Variants in SIAH2 observed in about 807,000 individuals in gnomAD.
The protein encoded by SIAH2 is E3 ubiquitin-protein ligase SIAH2.
A neutral mutation model predicts 20.4 loss-of-function variants in SIAH2; 4 were observed. That is an observed-to-expected ratio of 0.20 (90% confidence interval 0.10 to 0.45). The LOEUF (loss-of-function observed/expected upper bound fraction) is 0.45. SIAH2 is among the 20% of genes least tolerant of loss of function. The probability of loss-of-function intolerance (pLI) is 0.99; values close to 1 mark genes in which losing one functional copy is unlikely to be tolerated. For missense variants in SIAH2, 259 were observed against 440.3 expected, an observed-to-expected ratio of 0.59 and a Z score of 3.69; for synonymous variants, 171 against 192.5, an observed-to-expected ratio of 0.89 and a Z score of 0.93.
At chr3:150,758,620 G>A (rs1383693997) in intron 1 of SIAH2, among the ~76,000 whole-genome samples, 1 of 150,236 alleles carries the variant, frequency 6.7e-6, no homozygotes, top group East Asian at 1.9e-4. Context: ...ACCCAGGCTG[G>A]AGTGCAGTGG....
chr3:150,758,233 A>T (rs1002104487), intron 1 of SIAH2, among the ~76,000 whole-genome samples: 1 of 152,186 alleles, frequency 6.6e-6, no homozygotes, highest in Non-Finnish European at 1.5e-5. Context: ...GAGGCTTTCA[A>T]ATTCAATAAT....
At chr3:150,746,563 GC>G (rs1305510347) in intron 1 of SIAH2, among the ~76,000 whole-genome samples, 1 of 152,164 alleles carries the variant, frequency 6.6e-6, no homozygotes, top group African/African-American at 2.4e-5. Flanking sequence ...ATGTTTAGCA[GC>G]ATCCGTGGTC....
At chr3:150,744,096 G>A (rs980476615) in intron 1 of SIAH2, among the ~76,000 whole-genome samples, 2 of 151,522 alleles carry the variant, frequency 1.3e-5, no homozygotes, top group South Asian at 2.1e-4. Context: ...ACTTGAAGTC[G>A]GTCAAATTCT....
chr3:150,747,798 AC>A (rs1714255177), intron 1 of SIAH2, among the ~76,000 whole-genome samples: 1 of 151,398 alleles, frequency 6.6e-6, no homozygotes, highest in Non-Finnish European at 1.5e-5. Flanking sequence ...AAAAACAAAA[AC>A]AAAAACAAAA....
At chr3:150,749,087 G>A (rs1190393791) in intron 1 of SIAH2, among the ~76,000 whole-genome samples, 1 of 152,198 alleles carries the variant, frequency 6.6e-6, no homozygotes, top group Non-Finnish European at 1.5e-5. Context: ...AGCAAAGACA[G>A]CACAAATGAT....
chr3:150,761,580 T>C lies in SIAH2; in HGVS notation c.417+853A>G, dbSNP rs147722099. The stretch of plus-strand genomic sequence containing the variant: ...ATGATTCTATATTTAGCTGCGAGGG[T>C]GTATGTATATATAGTTTAAAAAGAT... On this transcript the variant is annotated intron_variant, in intron 1 of 1. Transcript: ENST00000312960. 1.6e-4 allele frequency among the ~76,000 whole-genome samples: 25 copies of C among 152,238 alleles called. 1 individual carries two copies. Among genetic ancestry groups the C allele is most frequent in the African/African-American group, 4.6e-4 (19 of 41,524 alleles).
At chr3:150,758,378 T>C (rs946021437) in intron 1 of SIAH2, among the ~76,000 whole-genome samples, 2 of 151,920 alleles carry the variant, frequency 1.3e-5, no homozygotes, top group African/African-American at 4.8e-5. Context: ...AAATACATCG[T>C]TGGATGGTAA....
rs772702426 is a variant in SIAH2, at chr3:150,762,433, C to G, written c.417G>C (p.Lys139Asn). The part of the protein sequence containing the change: ...KVASAVLFPC[K>N]YATTGCSLTL... ...GTACGTGGGCTGTCCCTGGGCTTAC[C>G]TTACAGGGAAACAGGACTGCCGAGG... The change falls in exon 1 of 2, where the codon AAG becomes AAC. Residue 139 changes from lysine to asparagine, a missense_variant and splice_region_variant. By Grantham distance (94) the Lys-to-Asn change is moderately conservative. This residue lies in a region of SIAH2 where 160 missense variants were observed against 327.6 expected (regional missense o/e 0.49). Transcript: ENST00000312960. The surrounding 1 kb of genome is among the most constrained non-coding windows in gnomAD (Gnocchi z 6.6). The G allele has an allele frequency of 6.2e-7, 1 of 1,610,378 alleles. No individual in the cohort carries two copies.
rs1431057625 is a variant in SIAH2, at chr3:150,756,407, A to G, written c.417+6026T>C. On this transcript the variant is annotated intron_variant, in intron 1 of 1. Coordinates refer to ENST00000312960, the MANE Select transcript of SIAH2 (RefSeq NM_005067.7). ...TGAATAAGAACGGCCATGTCTCACA[A>G]ATTTTGTCAGAAGCAAAATCTGATG... Among the ~76,000 whole-genome samples the G allele has an allele frequency of 3.9e-5, 6 of 152,320 alleles. No individual in the cohort carries two copies. The South Asian group carries it at 8.3e-4, about 21-fold the overall frequency.
At chr3:150,746,454 C>T (rs1231435779) in intron 1 of SIAH2, among the ~76,000 whole-genome samples, 1 of 152,052 alleles carries the variant, frequency 6.6e-6, no homozygotes, top group African/African-American at 2.4e-5. Context: ...GAGGGACCTT[C>T]CTGACAATGG....
chr3:150,756,357 T>G (rs1022150285), intron 1 of SIAH2, among the ~76,000 whole-genome samples: 2 of 152,190 alleles, frequency 1.3e-5, no homozygotes, highest in African/African-American at 4.8e-5. Context: ...CGTGCCCCTT[T>G]CAAGGAGTGA....
chr3:150,745,733 G>C (rs888880984), intron 1 of SIAH2, among the ~76,000 whole-genome samples: 3 of 152,092 alleles, frequency 2.0e-5, no homozygotes, highest in Non-Finnish European at 4.4e-5. Flanking sequence ...CTGACCTCGT[G>C]ATCCACCCGC....
intron 1 of SIAH2, among the ~76,000 whole-genome samples, chr3:150,754,064 G>A (rs1714429328): frequency 6.6e-6 from 1 of 152,180 alleles, no homozygotes; most frequent in Admixed American, 6.5e-5. Flanking sequence ...CTGTAGAAAA[G>A]CAGTCACGAT....
At chr3:150,757,822 GA>G (rs200561313) in intron 1 of SIAH2, among the ~76,000 whole-genome samples, 26 of 146,866 alleles carry the variant, frequency 1.8e-4, no homozygotes, top group African/African-American at 5.2e-4. Context: ...TCTCTTAAAG[GA>G]AAAAAAAAAG....
At chr3:150,761,248 C>A (rs1157537675) in intron 1 of SIAH2, among the ~76,000 whole-genome samples, 1 of 152,260 alleles carries the variant, frequency 6.6e-6, no homozygotes, top group Admixed American at 6.5e-5. Flanking sequence ...GACATTATCT[C>A]CACTTCTAAT....
intron 1 of SIAH2, among the ~76,000 whole-genome samples, chr3:150,745,585 T>TC (rs1466877816): frequency 1.3e-5 from 2 of 151,888 alleles, no homozygotes; most frequent in Non-Finnish European, 2.9e-5. Context: ...AAGCTCCGCC[T>TC]CCCGGGTTCA....
chr3:150,753,585 G>C (rs905862695), intron 1 of SIAH2, among the ~76,000 whole-genome samples: 1 of 152,146 alleles, frequency 6.6e-6, no homozygotes, highest in African/African-American at 2.4e-5. Flanking sequence ...CTTGAGCTCA[G>C]GTGTTCAAGA....
At chr3:150,758,796 G>A (rs1297758571) in intron 1 of SIAH2, among the ~76,000 whole-genome samples, 4 of 148,686 alleles carry the variant, frequency 2.7e-5, no homozygotes, top group Admixed American at 6.7e-5. Flanking sequence ...AGGCTGGAAT[G>A]CAATGACGTG....
At chr3:150,753,941 G>C (rs1714426324) in intron 1 of SIAH2, among the ~76,000 whole-genome samples, 1 of 152,044 alleles carries the variant, frequency 6.6e-6, no homozygotes, top group Non-Finnish European at 1.5e-5. Context: ...AAAAATCTCA[G>C]TAAGAAAAGA....
Sources: gnomAD v4.1 joint callset for allele counts (sites outside exome capture counted in the v4.1 genomes callset) on GRCh38, gnomAD v4.1.1 for gene constraint, gnomAD v4.1.1 regional missense constraint, Gnocchi (gnomAD v3.1) non-coding constraint, MANE v1.5 for transcripts, NCBI Gene and HGNC (gene_info 2026-07-23, HGNC 2026-07-21) for gene names.